Variants in PTPN4 observed in about 807,000 individuals in gnomAD.
PTPN4 encodes protein tyrosine phosphatase non-receptor type 4, also known as tyrosine-protein phosphatase non-receptor type 4.
In PTPN4, 49 loss-of-function variants were observed where a neutral mutation model predicts 135.5. That is an observed-to-expected ratio of 0.36 (90% confidence interval 0.29 to 0.46). The LOEUF (loss-of-function observed/expected upper bound fraction) is 0.46. PTPN4 is among the 20% of genes least tolerant of loss of function. The pLI, the probability that PTPN4 is intolerant of heterozygous loss-of-function variation, is 1.00. For synonymous variants in PTPN4, 333 were observed against 369.9 expected (o/e 0.90, Z 1.14); for missense variants, 860 against 1,101.0 (o/e 0.78, Z 3.10).
intron 20 of PTPN4, among the ~76,000 whole-genome samples, chr2:119,956,338 C>G (rs2105055485): frequency 6.7e-6 from 1 of 149,932 alleles, no homozygotes; most frequent in East Asian, 2.0e-4. Flanking sequence ...CTCAGCCTCT[C>G]AAGTAGCTGG....
chr2:119,846,063 A>G (rs1677494764), intron 2 of PTPN4, among the ~76,000 whole-genome samples: 1 of 152,176 alleles, frequency 6.6e-6, no homozygotes, highest in African/African-American at 2.4e-5. Context: ...GTTGGGTATT[A>G]TTTCAGTTCC....
chr2:119,882,462 A>T (rs1361975157), intron 7 of PTPN4, 41 bp from the exon 8 acceptor site: 1 of 1,443,928 alleles, frequency 6.9e-7, no homozygotes, highest in Non-Finnish European at 9.3e-7. Context: ...TAATTTAAAA[A>T]TTTGTTTATT....
At chr2:119,813,147 A>G (rs1258179101) in intron 2 of PTPN4, among the ~76,000 whole-genome samples, 4 of 152,108 alleles carry the variant, frequency 2.6e-5, no homozygotes, top group Non-Finnish European at 5.9e-5. Flanking sequence ...AGGCTTATTC[A>G]CTCACATGGC....
At position 119,889,381 on chromosome 2, in the gene PTPN4, C is replaced by T. The variant is rs375861298; in HGVS notation, c.675+3499C>T. ...CTTGCAGTGAGCCGAGATGGCGCCA[C>T]TGCACTCCAGCCTGGGCGACAGAGA... On this transcript the variant is annotated intron_variant, in intron 9 of 26. Coordinates refer to ENST00000263708, the MANE Select transcript of PTPN4 (RefSeq NM_002830.4). Among the ~76,000 whole-genome samples, 6 of 152,194 alleles carry T rather than the reference C, an allele frequency of 3.9e-5. No individual in the cohort carries two copies. The East Asian group carries it at 1.2e-3, about 29-fold the overall frequency.
intron 2 of PTPN4, among the ~76,000 whole-genome samples, chr2:119,817,050 C>G (rs1243067977): frequency 6.6e-6 from 1 of 152,188 alleles, no homozygotes; most frequent in African/African-American, 2.4e-5. Context: ...GCTGTGTGAA[C>G]AGACCTGAGT....
At chr2:119,908,791 T>C (rs1395813897) in intron 10 of PTPN4, among the ~76,000 whole-genome samples, 1 of 152,110 alleles carries the variant, frequency 6.6e-6, no homozygotes, top group Non-Finnish European at 1.5e-5. Context: ...TTGCACCAAT[T>C]AGCCAAATTG....
chr2:119,895,684 G>T (rs1678311112), intron 9 of PTPN4, among the ~76,000 whole-genome samples: 1 of 152,088 alleles, frequency 6.6e-6, no homozygotes, highest in African/African-American at 2.4e-5. Context: ...CACTTTGGGA[G>T]GCCAAGGCAG....
chr2:119,884,821 G>A (rs1168384375), intron 8 of PTPN4, among the ~76,000 whole-genome samples: 1 of 151,976 alleles, frequency 6.6e-6, no homozygotes, highest in East Asian at 1.9e-4. Context: ...TTGAGGAGTC[G>A]TGTTATGATC....
At chr2:119,916,186 G>A (rs940715940) in intron 11 of PTPN4, 6 of 150,530 alleles carry the variant, frequency 4.0e-5, no homozygotes, top group Admixed American at 2.0e-4. Context: ...GATGACATAG[G>A]GAGGCCCTGT....
chr2:119,844,444 T>C (rs1352905952), intron 2 of PTPN4, among the ~76,000 whole-genome samples: 2 of 144,034 alleles, frequency 1.4e-5, no homozygotes, highest in African/African-American at 5.2e-5. Flanking sequence ...GAGAGGCTCC[T>C]CACTTCTCAG....
intron 2 of PTPN4, among the ~76,000 whole-genome samples, chr2:119,841,493 T>C (rs1383839160): frequency 6.6e-6 from 1 of 152,220 alleles, no homozygotes; most frequent in Non-Finnish European, 1.5e-5. Context: ...TTTTTAATGA[T>C]TGCAGATATT....
chr2:119,965,711 C>A, intron 25 of PTPN4, 66 bp downstream of exon 25: 1 of 1,512,962 alleles, frequency 6.6e-7, no homozygotes, highest in Admixed American at 2.0e-5. Flanking sequence ...AAAGAGAGTA[C>A]ATATTTTGTC....
intron 2 of PTPN4, among the ~76,000 whole-genome samples, chr2:119,841,363 G>A (rs1012381372): frequency 2.9e-4 from 44 of 152,074 alleles, no homozygotes; most frequent in African/African-American, 1.0e-3. Context: ...GTGTGTATGT[G>A]TTTATATGTA....
At chr2:119,830,125 C>A (rs1437331659) in intron 2 of PTPN4, among the ~76,000 whole-genome samples, 10 of 152,080 alleles carry the variant, frequency 6.6e-5, no homozygotes, top group Admixed American at 6.6e-4. Flanking sequence ...GTGTGTATTC[C>A]TATATTTTCC....
intron 1 of PTPN4, among the ~76,000 whole-genome samples, chr2:119,804,923 C>T (rs145159918): frequency 0.015 from 2,255 of 152,314 alleles, 28 homozygotes; most frequent in Non-Finnish European, 0.025. Context: ...TATTTCTCCA[C>T]ATCCTCTCCA....
chr2:119,764,650 T>C (rs571502318), intron 1 of PTPN4, among the ~76,000 whole-genome samples: 9 of 152,148 alleles, frequency 5.9e-5, no homozygotes, highest in South Asian at 2.1e-4. Context: ...TTTTTTTTTT[T>C]CTTAAGTTTT....
At chr2:119,846,897 T>C (rs1330893611) in intron 2 of PTPN4, among the ~76,000 whole-genome samples, 1 of 151,440 alleles carries the variant, frequency 6.6e-6, no homozygotes, top group Non-Finnish European at 1.5e-5. Flanking sequence ...TCTTTCCCCT[T>C]CTTGTGCTAT....
intron 26 of PTPN4, among the ~76,000 whole-genome samples, chr2:119,974,298 G>A (rs559732620): frequency 2.5e-3 from 381 of 152,074 alleles, no homozygotes; most frequent in Middle Eastern, 0.014. Context: ...TGCAACCTCC[G>A]CCTCCCAGGT....
At chr2:119,934,056 G>C (rs906058086) in intron 14 of PTPN4, among the ~76,000 whole-genome samples, 1 of 152,070 alleles carries the variant, frequency 6.6e-6, no homozygotes, top group African/African-American at 2.4e-5. Flanking sequence ...ATTAACAGTA[G>C]CTCTGTTTAA....
Sources: gnomAD v4.1 joint callset for allele counts (sites outside exome capture counted in the v4.1 genomes callset) on GRCh38, gnomAD v4.1.1 for gene constraint, MANE v1.5 for transcripts, NCBI Gene and HGNC (gene_info 2026-07-23, HGNC 2026-07-21) for gene names.